Variants in LRR1 observed in about 807,000 individuals in gnomAD.
LRR1 encodes leucine rich repeat protein 1.
In LRR1, 29 loss-of-function variants were observed where a neutral mutation model predicts 31.6. That is an observed-to-expected ratio of 0.92 (90% confidence interval 0.68 to 1.25). The LOEUF (loss-of-function observed/expected upper bound fraction) is 1.25, where lower values mean the gene tolerates loss of function less well. Ranked by LOEUF, LRR1 falls within the 50% of genes most tolerant of loss-of-function variation. LRR1 has a pLI of 0.00. For synonymous variants in LRR1, 179 were observed against 181.4 expected (o/e 0.99, Z 0.10); for missense variants, 485 against 487.2 (o/e 1.00, Z 0.04).
intron 3 of LRR1, among the ~76,000 whole-genome samples, 187 bp downstream of exon 3, chr14:49,608,308 C>T (rs1256920709): frequency 6.6e-6 from 1 of 151,546 alleles, no homozygotes; most frequent in African/African-American, 2.4e-5. Context: ...ATTGCTCACT[C>T]CCTCACTTCA....
rs1882324818 is a variant in LRR1, at chr14:49,607,406, T to C, written c.289T>C (p.Ser97Pro). 3.2e-6 allele frequency: 5 copies of C among 1,560,432 alleles called. No homozygotes were observed. The highest frequency in any genetic ancestry group is 2.3e-5 in the East Asian group (1 of 44,432). ...ACAACTTTTATTTATTCAGGCCATT[T>C]CCAGCAGTTTAAAAGGTTTCCTTTC... The part of the protein sequence containing the change: ...PVDICLSKAI[S>P]SSLKGFLSAM... Residue 97 changes from serine to proline, a missense_variant, in exon 3 of 4, where the codon TCC becomes CCC. Physicochemically the swap from Ser to Pro is moderately conservative, Grantham distance 74. Coordinates refer to ENST00000298288, the MANE Select transcript of LRR1 (RefSeq NM_152329.4).
intron 1 of LRR1, chr14:49,601,501 A>AT (rs774836848): frequency 3.6e-5 from 25 of 696,740 alleles, no homozygotes; most frequent in Non-Finnish European, 5.1e-5. Context: ...TAATCATTAA[A>AT]TTTTTTTTGA....
intron 1 of LRR1, chr14:49,600,810 C>T (rs554816708): frequency 1.2e-6 from 1 of 808,968 alleles, no homozygotes; most frequent in East Asian, 2.7e-5. Flanking sequence ...CATCTGAAGC[C>T]ACAATCTATT....
chr14:49,600,762 T>C, intron 1 of LRR1: 1 of 899,992 alleles, frequency 1.1e-6, no homozygotes, highest in Non-Finnish European at 1.7e-6. Context: ...TAAAGTTTAT[T>C]AAGAATGTTC....
At chr14:49,609,578 T>C (rs1195441824) in intron 3 of LRR1, among the ~76,000 whole-genome samples, 2 of 151,130 alleles carry the variant, frequency 1.3e-5, no homozygotes, top group African/African-American at 4.9e-5. Context: ...CTAATTTTTT[T>C]TTGTATTTTT....
intron 1 of LRR1, chr14:49,601,516 T>G (rs1049266874): frequency 1.1e-5 from 9 of 826,444 alleles, no homozygotes; most frequent in Admixed American, 7.0e-5. Flanking sequence ...TTTTGAGCAC[T>G]CATTATGTGT....
intron 1 of LRR1, chr14:49,600,769 G>A: frequency 1.1e-6 from 1 of 885,774 alleles, no homozygotes; most frequent in East Asian, 2.7e-5. Context: ...TATTAAGAAT[G>A]TTCCTTAAAG....
rs768758819 is a variant in LRR1, at chr14:49,607,386, T to G, written c.283-14T>G. ...CCAGTGGAATTTATAATTCTACAACTTTTATTTATTCAGGCCATTTCCAGC... is the reference window on the plus strand; with the variant it reads ...CCAGTGGAATTTATAATTCTACAACGTTTATTTATTCAGGCCATTTCCAGC... On this transcript the variant is annotated splice_polypyrimidine_tract_variant and intron_variant, in intron 2 of 3. Transcript: ENST00000298288. 11 of 1,532,356 alleles carry G rather than the reference T, an allele frequency of 7.2e-6. No individual in the cohort carries two copies. The highest frequency in any genetic ancestry group is 8.7e-6 in the Non-Finnish European group (10 of 1,143,640). 94.9% of individuals were successfully genotyped at this position (1,532,356 alleles called of 1,614,324 possible).
Position 49,614,509 on chromosome 14 carries a change from G to A in LRR1, c.*13G>A. The A allele has an allele frequency of 6.2e-7, 1 of 1,612,680 alleles. No homozygotes were observed. The highest frequency in any genetic ancestry group is 8.5e-7 in the Non-Finnish European group (1 of 1,179,550). The stretch of plus-strand genomic sequence containing the variant: ...TATGTTAAAGTAATGGGTGAGACCA[G>A]AAAAAGAAATTTCAATAACAGATCA... On this transcript the variant is annotated 3_prime_UTR_variant, in exon 4 of 4. Coordinates refer to ENST00000298288, the MANE Select transcript of LRR1 (RefSeq NM_152329.4).
chr14:49,601,816 T>TA (rs11319854), intron 1 of LRR1, among the ~76,000 whole-genome samples: 24,018 of 90,474 alleles, frequency 0.27, 2,546 homozygotes, highest in Admixed American at 0.36. Context: ...TCCCAACTGC[T>TA]AAAAAAAAAA....
At chr14:49,600,264 G>C in intron 1 of LRR1, 2 of 1,490,794 alleles carry the variant, frequency 1.3e-6, no homozygotes, top group Non-Finnish European at 1.9e-6. Context: ...CTTCTCGGTG[G>C]TAAATCCAGC....
intron 3 of LRR1, chr14:49,612,523 CAG>C: frequency 8.1e-7 from 1 of 1,241,988 alleles, no homozygotes; most frequent in South Asian, 1.4e-5. Flanking sequence ...CACTCCCTGG[CAG>C]AGTTTTTTAA....
chr14:49,606,337 GTTTGT>G (rs1035435454), intron 2 of LRR1, among the ~76,000 whole-genome samples: 1 of 149,096 alleles, frequency 6.7e-6, no homozygotes, highest in Non-Finnish European at 1.5e-5. Flanking sequence ...TTTTTTGTTT[GTTTGT>G]TTTGTTTTGT....
rs746080227 is a variant in LRR1, at chr14:49,607,548, A to G, written c.431A>G (p.Lys144Arg). The change falls in exon 3 of 4, where the codon AAA (lysine) becomes AGA (arginine). Residue 144 changes from lysine to arginine, a missense_variant. Coordinates refer to ENST00000298288, the MANE Select transcript of LRR1 (RefSeq NM_152329.4). Reference protein sequence around the residue: ...FKTKMVITSKKDYPLSKNFPY... With the variant: ...FKTKMVITSKRDYPLSKNFPY... ...ACTAAAATGGTTATCACATCCAAAA[A>G]AGACTATCCTCTAAGTAAGAATTTT... 1 of 1,614,176 alleles carries G rather than the reference A, an allele frequency of 6.2e-7. No individual in the cohort carries two copies. The highest frequency in any genetic ancestry group is 8.5e-7 in the Non-Finnish European group (1 of 1,180,028).
chr14:49,613,139 A>G (rs1882573386), intron 3 of LRR1, among the ~76,000 whole-genome samples: 1 of 152,232 alleles, frequency 6.6e-6, no homozygotes, highest in East Asian at 1.9e-4. Flanking sequence ...GGAGATCGAG[A>G]CCATCCTGGC....
At position 49,599,186 on chromosome 14, in the gene LRR1, C is replaced by A. The variant is rs1881936630; in HGVS notation, c.166C>A (p.Arg56Ser). The change falls in exon 1 of 4, where the codon CGC becomes AGC. Residue 56 changes from arginine to serine, a missense_variant. Coordinates refer to ENST00000298288, the MANE Select transcript of LRR1 (RefSeq NM_152329.4). ...GCTCATCTCCACCCTGAAGGACAAGCGCGGGACCCGCTATGAGGTGCGTGA... is the reference window on the plus strand; with the variant it reads ...GCTCATCTCCACCCTGAAGGACAAGAGCGGGACCCGCTATGAGGTGCGTGA... ...FLLISTLKDK[R>S]GTRYELRENI... is the part of the protein sequence containing the mutation. 1.2e-6 allele frequency: 2 copies of A among 1,607,022 alleles called. No individual in the cohort carries two copies. The highest frequency in any genetic ancestry group is 2.2e-5 in the South Asian group (2 of 89,674).
Position 49,599,316 on chromosome 14 carries a change from G to A in LRR1, c.183+113G>A, listed in dbSNP as rs1881943453. On this transcript the variant is annotated intron_variant, in intron 1 of 3. Coordinates refer to ENST00000298288, the MANE Select transcript of LRR1 (RefSeq NM_152329.4). ...CTCCCTAGGCGAAAGCCCGCCTTGG[G>A]GGTTCCTGAACTCCCAGCCTTGAGA... 4 of 1,266,402 alleles carry A rather than the reference G, an allele frequency of 3.2e-6. No individual in the cohort carries two copies. The South Asian group carries it at 6.2e-5, about 20-fold the overall frequency. The allele number at this position is 1,266,402 out of a possible 1,614,324, so 78.4% of individuals were successfully genotyped here.
Position 49,614,370 on chromosome 14 carries a change from C to T in LRR1, c.1119C>T (p.Thr373=). ...ACTCTTTCATTCAAGGAACTACTAC[C>T]ATGAATCTGCATTCTGTTGCCCACA... is the stretch of plus-strand genomic sequence containing the variant. ...CLNSFIQGTT[T]MNLHSVAHTV... The change falls in exon 4 of 4, where the codon ACC becomes ACT. Residue 373 remains threonine (T), a synonymous_variant. Transcript: ENST00000298288. The T allele has an allele frequency of 6.2e-7, 1 of 1,614,000 alleles. No individual in the cohort carries two copies. The highest frequency in any genetic ancestry group is 8.5e-7 in the Non-Finnish European group (1 of 1,179,978).
Position 49,603,701 on chromosome 14 carries a change from TTTTTTTTAATG to T in LRR1, c.282+1234_282+1244del, listed in dbSNP as rs1486586900. Reference sequence around the variant, plus strand: ...CATTCCTTTTTTTTTTTTTTTTTTTTTTTTTTTAATGAGACAGAGTCTCTCCCTGTCACCCA... The same window carrying T: ...CATTCCTTTTTTTTTTTTTTTTTTTTAGACAGAGTCTCTCCCTGTCACCCA... On this transcript the variant is annotated intron_variant, in intron 2 of 3. Transcript: ENST00000298288. The T allele has an allele frequency of 5.7e-6, 5 of 873,864 alleles. No homozygotes were observed. In the African/African-American group the frequency reaches 1.4e-4, roughly 25 times the overall value. 54.1% of individuals were successfully genotyped at this position (873,864 alleles called of 1,614,324 possible). A position where few individuals can be genotyped will look rare whatever the true frequency, so the allele number is the denominator to read the frequency against.
Sources: gnomAD v4.1 joint callset for allele counts (sites outside exome capture counted in the v4.1 genomes callset) on GRCh38, gnomAD v4.1.1 for gene constraint, MANE v1.5 for transcripts, NCBI Gene and HGNC (gene_info 2026-07-23, HGNC 2026-07-21) for gene names.